WFDC1: variants seen among roughly 807,000 people sequenced by gnomAD.
WFDC1 encodes WAP four-disulfide core domain 1.
WFDC1 carries 39 observed loss-of-function variants against 32.9 expected under a neutral mutation model. The ratio of observed to expected loss-of-function variants is 1.19; its 90% CI spans 0.92 to 1.55. The LOEUF is 1.55. WFDC1 is among the 40% of genes most tolerant of loss of function. The pLI is 0.00. For missense variants in WFDC1, 386 were observed against 309.5 expected (o/e 1.25, Z -1.85); for synonymous variants, 184 against 137.4 (o/e 1.34, Z -2.37).
chr16:84,316,125 G>T (rs1392993091), intron 2 of WFDC1: 1 of 152,222 alleles, frequency 6.6e-6, no homozygotes, highest in African/African-American at 2.4e-5. Context: ...GGTCTGATGT[G>T]GTGGTGGAAA....
In WFDC1 at chr16:84,308,706, T is replaced by TCCTGAGTGTAGAC. The variant is rs1567655194; in HGVS notation, c.145-4255_145-4254insCCTGAGTGTAGAC. Among the ~76,000 whole-genome samples the TCCTGAGTGTAGAC allele has an allele frequency of 1.5e-4, 23 of 151,520 alleles. 1 individual carries two copies. The highest frequency in any genetic ancestry group is 4.8e-4 in the African/African-American group (20 of 41,284). On this transcript the variant is annotated intron_variant, in intron 1 of 6. Transcript: ENST00000219454. ...GTGTAGACGCCATCCTTGGTGTAGA[T>TCCTGAGTGTAGAC]GCCATCCTGAGTGTAGATGCCAGCC...
intron 6 of WFDC1, chr16:84,327,317 C>T: frequency 4.6e-6 from 1 of 217,524 alleles, no homozygotes; most frequent in Non-Finnish European, 9.4e-6. Flanking sequence ...CAGCTTTAGT[C>T]TCAGTAGCTG....
chr16:84,302,235 G>C (rs1016097553), intron 1 of WFDC1, among the ~76,000 whole-genome samples: 18 of 152,158 alleles, frequency 1.2e-4, no homozygotes, highest in African/African-American at 3.9e-4. Context: ...GCTGTCTGAT[G>C]AGAACAGAGG....
At chr16:84,303,816 G>A (rs369350391) in intron 1 of WFDC1, among the ~76,000 whole-genome samples, 50 of 152,268 alleles carry the variant, frequency 3.3e-4, no homozygotes, top group African/African-American at 1.1e-3. Flanking sequence ...GCCATTAGCC[G>A]TCAGTCCTCC....
chr16:84,312,611 CAT>C (rs561217396), intron 1 of WFDC1, among the ~76,000 whole-genome samples: 115 of 152,096 alleles, frequency 7.6e-4, no homozygotes, highest in South Asian at 5.8e-3. Context: ...TACATGCAGA[CAT>C]ATATGTATAT....
chr16:84,318,421 G>A, intron 3 of WFDC1, 66 bp downstream of exon 3: 1 of 1,531,952 alleles, frequency 6.5e-7, no homozygotes, highest in Non-Finnish European at 9.0e-7. Context: ...GCTGCTTCCA[G>A]AAAGCTGGCA....
intron 3 of WFDC1, 153 bp downstream of exon 3, chr16:84,318,508 G>A (rs560449654): frequency 3.3e-4 from 237 of 716,128 alleles, no homozygotes; most frequent in African/African-American, 1.9e-4. Flanking sequence ...CCACCCCAGC[G>A]AAGAAGGGCT....
At position 84,319,569 on chromosome 16, in the gene WFDC1, C is replaced by T. The variant is rs1269661330; in HGVS notation, c.560C>T (p.Ala187Val). 16 of 1,611,986 alleles carry T rather than the reference C, an allele frequency of 9.9e-6. No homozygotes were observed. Among genetic ancestry groups the T allele is most frequent in the Non-Finnish European group, 1.4e-5 (16 of 1,179,838 alleles). ...CAGTGCGTCAAGCAGCGCCGGCAAG[C>T]AGGTGAGTGTGGCACCCCAGCCCTG... The part of the protein sequence containing the change: ...RGQCVKQRRQ[A>V]DGRILRHKLY... Residue 187 changes from alanine to valine, a missense_variant and splice_region_variant, in exon 4 of 7, where the codon GCA becomes GTA. Transcript: ENST00000219454.
At chr16:84,304,714 T>C (rs571782639) in intron 1 of WFDC1, among the ~76,000 whole-genome samples, 3 of 152,232 alleles carry the variant, frequency 2.0e-5, no homozygotes, top group African/African-American at 7.2e-5. Context: ...CCGTCTGGGG[T>C]GAGTGTCCTC....
Position 84,318,298 on chromosome 16 carries a change from C to T in WFDC1, c.364C>T (p.Pro122Ser), listed in dbSNP as rs766825544. 5.0e-6 allele frequency: 8 copies of T among 1,613,992 alleles called. No homozygotes were observed. The highest frequency in any genetic ancestry group is 6.8e-6 in the Non-Finnish European group (8 of 1,179,994). Residue 122 changes from proline to serine, a missense_variant, in exon 3 of 7, where the codon CCT (proline) becomes TCT (serine). Physicochemically the swap from Pro to Ser is moderately conservative, Grantham distance 74. Coordinates refer to ENST00000219454, the MANE Select transcript of WFDC1 (RefSeq NM_021197.4). ...PVLDWLVQPK[P>S]RWLGGNGWLL... ...CTTAGACTGGCTGGTGCAGCCGAAA[C>T]CTCGATGGCTTGGTGGCAATGGCTG...
At chr16:84,327,223 C>A in intron 6 of WFDC1, 1 of 406,706 alleles carries the variant, frequency 2.5e-6, no homozygotes, top group South Asian at 3.0e-5. Context: ...TGGGGTCTCA[C>A]TCTGTCACCC....
chr16:84,297,500 C>A (rs1358832471), intron 1 of WFDC1, among the ~76,000 whole-genome samples: 1 of 151,910 alleles, frequency 6.6e-6, no homozygotes, highest in East Asian at 1.9e-4. Context: ...GCCTGTAATC[C>A]CAGCTACTCA....
chr16:84,318,259 C>T lies in WFDC1; in HGVS notation c.338-13C>T, dbSNP rs375111740. The T allele has an allele frequency of 1.1e-4, 177 of 1,613,852 alleles. No individual in the cohort carries two copies. Among genetic ancestry groups the T allele is most frequent in the South Asian group, 7.9e-4 (72 of 91,064 alleles). ...CTTGAGGAGGGCCCTGATCTGACCC[C>T]GTATTGTGTTAGTCTTAGACTGGCT... On this transcript the variant is annotated splice_polypyrimidine_tract_variant and intron_variant, in intron 2 of 6. Coordinates refer to ENST00000219454, the MANE Select transcript of WFDC1 (RefSeq NM_021197.4).
intron 1 of WFDC1, among the ~76,000 whole-genome samples, chr16:84,312,112 C>A (rs2151374880): frequency 6.6e-6 from 1 of 152,270 alleles, no homozygotes; most frequent in Middle Eastern, 3.4e-3. Context: ...TTGTGGTGAG[C>A]TGAGATCGCG....
At chr16:84,303,139 C>T (rs1382926218) in intron 1 of WFDC1, among the ~76,000 whole-genome samples, 2 of 151,618 alleles carry the variant, frequency 1.3e-5, no homozygotes, top group Non-Finnish European at 1.5e-5. Flanking sequence ...CATCTACGCA[C>T]GCTGAACTCT....
intron 1 of WFDC1, chr16:84,296,866 G>A (rs556580883): frequency 6.6e-6 from 1 of 152,178 alleles, no homozygotes; most frequent in African/African-American, 2.4e-5. Flanking sequence ...GGCAGAAGTG[G>A]TGCATCTAAG....
intron 4 of WFDC1, among the ~76,000 whole-genome samples, chr16:84,321,409 G>A (rs1462338523): frequency 6.6e-6 from 1 of 152,218 alleles, no homozygotes; most frequent in African/African-American, 2.4e-5. Flanking sequence ...CCACTGTGAG[G>A]CTGCTGGAGT....
chr16:84,314,167 G>T lies in WFDC1; in HGVS notation c.337+1014G>T, dbSNP rs182530973. 1.8e-4 allele frequency among the ~76,000 whole-genome samples: 28 copies of T among 152,366 alleles called. No individual in the cohort carries two copies. The East Asian group carries it at 4.6e-3, about 25-fold the overall frequency. ...AATGAGATGTGTGTTGAATCACGAT[G>T]CCAACCTCTCGGGGAGAAACAATGT... On this transcript the variant is annotated intron_variant, in intron 2 of 6. Transcript: ENST00000219454.
In WFDC1 at chr16:84,326,925, G is replaced by A. The variant is rs2151381340; in HGVS notation, c.648G>A (p.Gln216=). 1 of 1,614,138 alleles carries A rather than the reference G, an allele frequency of 6.2e-7. No individual in the cohort carries two copies. Among genetic ancestry groups the A allele is most frequent in the Admixed American group, 1.7e-5 (1 of 60,016 alleles). The stretch of plus-strand genomic sequence containing the variant: ...TGGCAGAACCTGGAAGGGGACAACA[G>A]AAGCACTTTCAGTAAAGCAACGGCA... ...KNVAEPGRGQ[Q]KHFQ The change falls in exon 6 of 7, where the codon CAG becomes CAA. Residue 216 remains glutamine, a synonymous_variant. Coordinates refer to ENST00000219454, the MANE Select transcript of WFDC1 (RefSeq NM_021197.4).
Sources: allele counts gnomAD v4.1 joint callset (sites outside exome capture counted in the v4.1 genomes callset), GRCh38; gene constraint gnomAD v4.1.1; transcripts MANE v1.5; gene names NCBI Gene and HGNC (gene_info 2026-07-23, HGNC 2026-07-21).